The following CFAP74 variants were observed in gnomAD, a reference collection of about 807,000 sequenced individuals.
CFAP74 encodes the protein cilia- and flagella-associated protein 74.
Under a neutral mutation model 188.9 loss-of-function variants are expected in CFAP74, and 124 were observed. The observed-to-expected ratio is 0.66, with a 90% confidence interval of 0.57 to 0.76. CFAP74 has a LOEUF of 0.76. CFAP74 is among the 30% of genes least tolerant of loss of function. CFAP74 has a pLI of 0.00. For synonymous variants in CFAP74, 956 were observed against 916.7 expected (o/e 1.04, Z -0.77); for missense variants, 2,198 against 2,165.2 (o/e 1.02, Z -0.30).
chr1:1,937,218 G>T (rs983119852), intron 25 of CFAP74, among the ~76,000 whole-genome samples: 2 of 152,384 alleles, frequency 1.3e-5, no homozygotes, highest in East Asian at 3.9e-4. Context: ...GAGAGGCGAC[G>T]GGGCGTTAGC....
Position 1,964,899 on chromosome 1 carries a change from G to A in CFAP74, c.1564C>T (p.Leu522Phe), listed in dbSNP as rs1417095257. 10 of 1,613,576 alleles carry A rather than the reference G, an allele frequency of 6.2e-6. No individual in the cohort carries two copies. The highest frequency in any genetic ancestry group is 8.5e-6 in the Non-Finnish European group (10 of 1,179,940). ...GRPFNSKPEL[L>F]HFQDFDIGKV... is the part of the protein sequence containing the mutation. The stretch of plus-strand genomic sequence containing the variant: ...AGCTGCGGGCTCACCTGGAAGTGGA[G>A]GAGCTCCGGTTTGCTGTTGAAGGGG... The change falls in exon 13 of 39, where the codon CTC (leucine) becomes TTC (phenylalanine). Residue 522 changes from leucine to phenylalanine, a missense_variant. Coordinates refer to ENST00000682832, the MANE Select transcript of CFAP74 (RefSeq NM_001304360.2).
In CFAP74 at chr1:1,947,000, G is replaced by A. The variant is rs1352831668; in HGVS notation, c.2231C>T (p.Thr744Met). The change falls in exon 19 of 39, where the codon ACG (threonine) becomes ATG (methionine). Residue 744 changes from threonine to methionine, a missense_variant. By Grantham distance (81) the Thr-to-Met change is moderately conservative. Transcript: ENST00000682832. ...CCTGAGCTGGCTGACCTCCCCCAGC[G>A]TGATCTCCGTCTGCTCTTCGCTGGG... ...IPPSEEQTEI[T>M]LGEVTEGEIG... 19 of 1,535,556 alleles carry A rather than the reference G, an allele frequency of 1.2e-5. No individual in the cohort carries two copies. Among genetic ancestry groups the A allele is most frequent in the Non-Finnish European group, 1.5e-5 (17 of 1,146,482 alleles).
intron 25 of CFAP74, among the ~76,000 whole-genome samples, chr1:1,931,305 C>A (rs112724879): frequency 6.6e-6 from 1 of 151,084 alleles, no homozygotes; most frequent in African/African-American, 2.4e-5. Context: ...TGGTGGGCAC[C>A]TGTAGTCCCA....
At chr1:1,971,204 C>A (rs1656005950) in intron 9 of CFAP74, among the ~76,000 whole-genome samples, 1 of 151,504 alleles carries the variant, frequency 6.6e-6, no homozygotes. Flanking sequence ...TGCTTACATG[C>A]ACACCTGCAC....
chr1:1,956,111 C>T (rs530080271), intron 17 of CFAP74, among the ~76,000 whole-genome samples: 4 of 152,366 alleles, frequency 2.6e-5, no homozygotes, highest in Admixed American at 2.0e-4. Flanking sequence ...GCTGCCCCAG[C>T]CTGGGAGTGT....
Position 1,946,310 on chromosome 1 carries a change from T to C in CFAP74, c.2364+7A>G. On this transcript the variant is annotated splice_region_variant and intron_variant, in intron 20 of 38. Transcript: ENST00000682832. The stretch of plus-strand genomic sequence containing the variant: ...TGTGTGCGTGGCGTGGCAGCAGGAA[T>C]ACTCACCGTGGGGCACTGGGGGTTC... 6.5e-7 allele frequency: 1 copy of C among 1,533,506 alleles called. No individual in the cohort carries two copies. The highest frequency in any genetic ancestry group is 8.7e-7 in the Non-Finnish European group (1 of 1,145,172). The allele number at this position is 1,533,506 out of a possible 1,614,324, so 95.0% of individuals were successfully genotyped here. A position where few individuals can be genotyped will look rare whatever the true frequency, so the allele number is the denominator to read the frequency against.
rs140172261 is a variant in CFAP74 at position 1,999,582 on chromosome 1, C to T, written c.-20+4119G>A. Reference sequence around the variant, plus strand: ...CTGTAATCCCAGCACTTTGGGAGGCCGAGGCAGGTGGGTCACTTGAGGTCA... The same window carrying T: ...CTGTAATCCCAGCACTTTGGGAGGCTGAGGCAGGTGGGTCACTTGAGGTCA... On this transcript the variant is annotated intron_variant, in intron 1 of 38. Transcript: ENST00000682832. Among the ~76,000 whole-genome samples, 494 of 150,152 alleles carry T rather than the reference C, an allele frequency of 3.3e-3. 2 individuals are homozygous for T. Among genetic ancestry groups the T allele is most frequent in the African/African-American group, 0.012 (469 of 40,778 alleles).
At chr1:1,969,817 A>G (rs950053568) in intron 10 of CFAP74, among the ~76,000 whole-genome samples, 1 of 152,038 alleles carries the variant, frequency 6.6e-6, no homozygotes, top group Non-Finnish European at 1.5e-5. Context: ...TGCCTTGCCC[A>G]GTGAGAGGGC....
chr1:1,983,348 G>A (rs148707724), intron 6 of CFAP74, among the ~76,000 whole-genome samples: 1 of 152,350 alleles, frequency 6.6e-6, no homozygotes, highest in African/African-American at 2.4e-5. Flanking sequence ...CCAAGGGAAC[G>A]GTGTCGCTGC....
intron 6 of CFAP74, among the ~76,000 whole-genome samples, chr1:1,981,878 G>A (rs867588080): frequency 7.1e-5 from 5 of 70,662 alleles, no homozygotes; most frequent in Admixed American, 1.3e-4. Flanking sequence ...ACGGGGGCAC[G>A]CAGGACACAC....
At position 1,928,574 on chromosome 1, in the gene CFAP74, C is replaced by T. The variant is rs540657218; in HGVS notation, c.3387+210G>A. Among the ~76,000 whole-genome samples, 582 of 152,348 alleles carry T rather than the reference C, an allele frequency of 3.8e-3. 6 individuals are homozygous for T. Among genetic ancestry groups the T allele is most frequent in the African/African-American group, 0.013 (544 of 41,586 alleles). ...TCCAGAGCCCACCCTTCCCTGCTCC[C>T]GCCTGGCAGTGCCTTCCAGAGAGAA... is the stretch of plus-strand genomic sequence containing the variant. On this transcript the variant is annotated intron_variant, in intron 27 of 38. Coordinates refer to ENST00000682832, the MANE Select transcript of CFAP74 (RefSeq NM_001304360.2).
rs113569857 is a variant in CFAP74, at chr1:1,942,473, C to T, written c.2487-317G>A. ...GCACCTGCCAGGCAGCCCCTGGGTG[C>T]GGGGCCCTGGAGGGGACATGAGGGG... On this transcript the variant is annotated intron_variant, in intron 21 of 38. Transcript: ENST00000682832. The surrounding 1 kb of genome is among the most constrained non-coding windows in gnomAD (Gnocchi z 4.3). Among the ~76,000 whole-genome samples the T allele has an allele frequency of 2.1e-3, 324 of 152,192 alleles. 1 individual carries two copies. The highest frequency in any genetic ancestry group is 7.5e-3 in the African/African-American group (310 of 41,552).
intron 1 of CFAP74, among the ~76,000 whole-genome samples, chr1:1,991,842 A>G (rs565340297): frequency 1.6e-4 from 24 of 152,060 alleles, no homozygotes; most frequent in East Asian, 5.8e-4. Flanking sequence ...GATCGAGACT[A>G]TCCTGGCTAG....
chr1:1,946,204 C>T (rs911685476), intron 20 of CFAP74, 113 bp downstream of exon 20: 10 of 1,316,566 alleles, frequency 7.6e-6, no homozygotes, highest in Non-Finnish European at 9.1e-6. Context: ...GTGCCACCAA[C>T]TGGCCATCCC....
intron 8 of CFAP74, 62 bp from the exon 9 acceptor site, chr1:1,972,144 G>T: frequency 7.9e-7 from 1 of 1,267,402 alleles, no homozygotes. Flanking sequence ...GCAGTGGTGC[G>T]ATCACAGCTC....
chr1:1,929,708 G>A (rs556300969), intron 26 of CFAP74, among the ~76,000 whole-genome samples: 1 of 151,884 alleles, frequency 6.6e-6, no homozygotes, highest in South Asian at 2.1e-4. Flanking sequence ...CCTCCCAGTC[G>A]GCCTGCGAGG....
rs1657494639 is a variant in CFAP74 at position 1,990,344 on chromosome 1, C to T, written c.67+546G>A. Among the ~76,000 whole-genome samples, 3 of 141,806 alleles carry T rather than the reference C, an allele frequency of 2.1e-5. No individual in the cohort carries two copies. The South Asian group carries it at 6.5e-4, about 31-fold the overall frequency. 93.0% of individuals were successfully genotyped at this position (141,806 alleles called of 152,430 possible). On this transcript the variant is annotated intron_variant, in intron 2 of 38. Coordinates refer to ENST00000682832, the MANE Select transcript of CFAP74 (RefSeq NM_001304360.2). ...ATCTCAGTAAAAATGATGGAAAAGGCAGAAAGCCACAGTCACAAGGGGGGC... is the reference window on the plus strand; with the variant it reads ...ATCTCAGTAAAAATGATGGAAAAGGTAGAAAGCCACAGTCACAAGGGGGGC...
At chr1:1,970,535 G>A (rs957283908) in intron 10 of CFAP74, 124 bp downstream of exon 10, 56 of 1,119,248 alleles carry the variant, frequency 5.0e-5, no homozygotes, top group East Asian at 4.4e-4. Flanking sequence ...CCCCACAGCC[G>A]CCTGAGTGGG....
chr1:1,930,373 G>A (rs1199790793), intron 25 of CFAP74, 37 bp from the exon 26 acceptor site: 1 of 1,484,052 alleles, frequency 6.7e-7, no homozygotes, highest in Non-Finnish European at 9.0e-7. Context: ...CAGCCGTGCA[G>A]GGCGTCCGTG....
Sources: allele counts gnomAD v4.1 joint callset (sites outside exome capture counted in the v4.1 genomes callset), GRCh38; gene constraint gnomAD v4.1.1; non-coding constraint Gnocchi (gnomAD v3.1); transcripts MANE v1.5; gene names NCBI Gene and HGNC (gene_info 2026-07-23, HGNC 2026-07-21).